Variants in AGFG1 observed in about 807,000 individuals in gnomAD.
AGFG1 encodes the protein arf-GAP domain and FG repeat-containing protein 1.
In AGFG1, 10 loss-of-function variants were observed where a neutral mutation model predicts 60.6. That is an observed-to-expected ratio of 0.16 (90% confidence interval 0.10 to 0.28). The LOEUF (loss-of-function observed/expected upper bound fraction) is 0.28, where lower values mean the gene tolerates loss of function less well. AGFG1 is among the 10% of genes least tolerant of loss of function. The pLI is 1.00. For missense variants in AGFG1, 537 were observed against 676.5 expected (o/e 0.79, Z 2.29); for synonymous variants, 247 against 242.9 (o/e 1.02, Z -0.16).
intron 9 of AGFG1, 85 bp downstream of exon 9, chr2:227,536,789 A>C: frequency 6.4e-7 from 1 of 1,560,170 alleles, no homozygotes; most frequent in Non-Finnish European, 8.8e-7. Context: ...CAAAGCAATG[A>C]TTTGTTATCA....
intron 7 of AGFG1, among the ~76,000 whole-genome samples, chr2:227,534,327 T>C (rs951105159): frequency 2.6e-5 from 4 of 152,192 alleles, no homozygotes; most frequent in African/African-American, 4.8e-5. Context: ...AGGATAATTC[T>C]AAGCATTAAA....
chr2:227,493,220 T>C (rs1444803070), intron 2 of AGFG1, among the ~76,000 whole-genome samples: 1 of 152,170 alleles, frequency 6.6e-6, no homozygotes, highest in Admixed American at 6.5e-5. Flanking sequence ...TGTGCAGTAT[T>C]CTATGGTTAA....
chr2:227,551,912 A>G, intron 10 of AGFG1, 47 bp from the exon 11 acceptor site: 1 of 1,584,120 alleles, frequency 6.3e-7, no homozygotes, highest in South Asian at 1.1e-5. Flanking sequence ...GTGAGAAACT[A>G]AACATATCCT....
intron 4 of AGFG1, 88 bp downstream of exon 4, chr2:227,524,013 A>G (rs1356585471): frequency 2.4e-6 from 3 of 1,266,764 alleles, no homozygotes; most frequent in Admixed American, 2.0e-5. Context: ...ACAGCAGCAT[A>G]ATCTTGTATG....
intron 1 of AGFG1, among the ~76,000 whole-genome samples, chr2:227,481,708 A>C (rs922126966): frequency 2.0e-5 from 3 of 152,246 alleles, no homozygotes; most frequent in Admixed American, 2.0e-4. Flanking sequence ...TGTATTTATG[A>C]GGTACACAAG....
intron 2 of AGFG1, among the ~76,000 whole-genome samples, chr2:227,508,909 A>G (rs1691409509): frequency 6.6e-6 from 1 of 152,166 alleles, no homozygotes; most frequent in African/African-American, 2.4e-5. Context: ...CTTGTAAAAC[A>G]AAAGAATTTC....
At chr2:227,549,112 A>G (rs1422644059) in intron 10 of AGFG1, among the ~76,000 whole-genome samples, 1 of 151,972 alleles carries the variant, frequency 6.6e-6, no homozygotes, top group Non-Finnish European at 1.5e-5. Context: ...TCGTTGTTAC[A>G]TTTATTCTTC....
chr2:227,529,907 A>G (rs1002890823), intron 5 of AGFG1, among the ~76,000 whole-genome samples: 2 of 151,788 alleles, frequency 1.3e-5, no homozygotes, highest in African/African-American at 2.4e-5. Context: ...AAGAGAAGCT[A>G]GAAGTCTTTT....
intron 2 of AGFG1, among the ~76,000 whole-genome samples, chr2:227,506,719 CACTACTGGTG>C (rs925876680): frequency 1.4e-4 from 21 of 151,820 alleles, no homozygotes; most frequent in Non-Finnish European, 2.8e-4. Context: ...GGCTTTTTGC[CACTACTGGTG>C]GAAATCTACA....
chr2:227,533,774 C>T lies in AGFG1; in HGVS notation c.1024+16C>T, dbSNP rs1559192224. On this transcript the variant is annotated intron_variant, in intron 7 of 12. Coordinates refer to ENST00000310078, the MANE Select transcript of AGFG1 (RefSeq NM_004504.5). The stretch of plus-strand genomic sequence containing the variant: ...GCCGGGCAAGGTATCAAGCTTTAAG[C>T]AAAACAAATACAAATTTGTGTTAAA... The T allele has an allele frequency of 4.4e-6, 7 of 1,603,614 alleles. No individual in the cohort carries two copies. The highest frequency in any genetic ancestry group is 2.2e-5 in the East Asian group (1 of 44,738).
At chr2:227,519,325 T>C (rs1691756562) in intron 2 of AGFG1, among the ~76,000 whole-genome samples, 1 of 152,236 alleles carries the variant, frequency 6.6e-6, no homozygotes. Context: ...TTTTGAAGAA[T>C]AGTTTTTTAT....
intron 3 of AGFG1, among the ~76,000 whole-genome samples, chr2:227,523,475 GTTAT>G (rs1691884210): frequency 6.6e-6 from 1 of 152,060 alleles, no homozygotes; most frequent in Non-Finnish European, 1.5e-5. Context: ...AAAAAAAGCA[GTTAT>G]TTCTTATATT....
chr2:227,509,525 A>C (rs1423812238), intron 2 of AGFG1, among the ~76,000 whole-genome samples: 7 of 152,164 alleles, frequency 4.6e-5, no homozygotes, highest in Non-Finnish European at 8.8e-5. Flanking sequence ...GTTATGTAAA[A>C]GAACGTACTT....
intron 6 of AGFG1, among the ~76,000 whole-genome samples, chr2:227,532,747 C>T (rs1489415359): frequency 2.0e-5 from 3 of 151,778 alleles, no homozygotes; most frequent in Non-Finnish European, 4.4e-5. Context: ...GAACTAATAT[C>T]CCAAAAATGT....
chr2:227,502,975 G>A (rs983527857), intron 2 of AGFG1, among the ~76,000 whole-genome samples: 45 of 152,262 alleles, frequency 3.0e-4, no homozygotes, highest in Admixed American at 1.7e-3. Context: ...GTTCACGTCT[G>A]TAATCCTAGC....
chr2:227,517,318 TGCAGTGGC>T (rs1474490645), intron 2 of AGFG1, among the ~76,000 whole-genome samples: 4 of 152,138 alleles, frequency 2.6e-5, no homozygotes, highest in African/African-American at 4.8e-5. Context: ...CAGGCTGGAG[TGCAGTGGC>T]GCAATCTCGG....
intron 10 of AGFG1, among the ~76,000 whole-genome samples, chr2:227,539,997 G>A (rs929908323): frequency 2.0e-4 from 30 of 151,848 alleles, no homozygotes; most frequent in Non-Finnish European, 2.7e-4. Context: ...CACCATACCC[G>A]GCTAATTTTT....
rs1233950309 is a variant in AGFG1, at chr2:227,558,393, GGTT to G, written c.*3899_*3901del. On this transcript the variant is annotated 3_prime_UTR_variant, in exon 13 of 13. Transcript: ENST00000310078. ...GATGAAATCAGTACAGTTTATTCTTGGTTTTTTTTTTTAACTTTAGAAGTAAAT... is the reference window on the plus strand; with the variant it reads ...GATGAAATCAGTACAGTTTATTCTTGTTTTTTTTTAACTTTAGAAGTAAAT... 5 of 146,398 alleles carry G rather than the reference GGTT, an allele frequency of 3.4e-5. No homozygotes were observed. Among genetic ancestry groups the G allele is most frequent in the African/African-American group, 1.3e-4 (5 of 39,350 alleles). 9.1% of individuals were successfully genotyped at this position (146,398 alleles called of 1,614,324 possible). A position where few individuals can be genotyped will look rare whatever the true frequency, so the allele number is the denominator to read the frequency against.
intron 1 of AGFG1, among the ~76,000 whole-genome samples, chr2:227,475,056 A>G (rs543010935): frequency 6.6e-6 from 1 of 152,342 alleles, no homozygotes; most frequent in African/African-American, 2.4e-5. Flanking sequence ...AGGGAACAGT[A>G]CTGTATGTGA....
Sources: allele counts gnomAD v4.1 joint callset (sites outside exome capture counted in the v4.1 genomes callset), GRCh38; gene constraint gnomAD v4.1.1; transcripts MANE v1.5; gene names NCBI Gene and HGNC (gene_info 2026-07-23, HGNC 2026-07-21).